TTL: variants seen among roughly 807,000 people sequenced by gnomAD.
TTL encodes the protein tubulin--tyrosine ligase.
TTL carries 10 observed loss-of-function variants against 41.1 expected under a neutral mutation model. That is an observed-to-expected ratio of 0.24 (90% CI 0.15 to 0.41). TTL has a LOEUF of 0.41. TTL is among the 10% of genes least tolerant of loss of function. The probability of loss-of-function intolerance (pLI) is 1.00; values close to 1 mark genes in which losing one functional copy is unlikely to be tolerated. For synonymous variants in TTL, 175 were observed against 175.5 expected (o/e 1.00, Z 0.02); for missense variants, 367 against 460.4 (o/e 0.80, Z 1.86).
intron 2 of TTL, 143 bp from the exon 3 acceptor site, chr2:112,494,000 G>A (rs1681460900): frequency 1.5e-6 from 1 of 650,556 alleles, no homozygotes; most frequent in Admixed American, 2.9e-5. Context: ...TTTGTCCAGG[G>A]AGACTAAGAG....
chr2:112,521,297 C>T (rs1363727406), intron 6 of TTL: 2 of 985,170 alleles, frequency 2.0e-6, no homozygotes, highest in Non-Finnish European at 2.4e-6. Flanking sequence ...CGGGAGAAGG[C>T]TGGTTGTAGC....
intron 5 of TTL, among the ~76,000 whole-genome samples, chr2:112,516,727 C>G (rs945028928): frequency 1.1e-4 from 17 of 152,132 alleles, no homozygotes; most frequent in African/African-American, 4.1e-4. Context: ...GTTCTAGGAT[C>G]TCCATTCTGT....
At chr2:112,502,108 A>G (rs548001458) in intron 4 of TTL, among the ~76,000 whole-genome samples, 5 of 152,248 alleles carry the variant, frequency 3.3e-5, no homozygotes, top group South Asian at 4.1e-4. Flanking sequence ...AGGGCTTGGC[A>G]TGGAGAAAGA....
chr2:112,528,443 T>A (rs745431139), intron 6 of TTL, among the ~76,000 whole-genome samples: 3 of 151,818 alleles, frequency 2.0e-5, no homozygotes, highest in Non-Finnish European at 2.9e-5. Context: ...CTACAAAAAA[T>A]TTAAAAATTA....
At chr2:112,503,770 G>A (rs1681763987) in intron 5 of TTL, among the ~76,000 whole-genome samples, 1 of 128,694 alleles carries the variant, frequency 7.8e-6, no homozygotes, top group African/African-American at 2.9e-5. Context: ...AAAGTACAAT[G>A]TCAGTCTACT....
intron 3 of TTL, among the ~76,000 whole-genome samples, chr2:112,498,858 C>T (rs1278873219): frequency 6.6e-6 from 1 of 151,990 alleles, no homozygotes; most frequent in Non-Finnish European, 1.5e-5. Context: ...AAGACTCCAT[C>T]TCAATCAATA....
At chr2:112,509,941 A>G (rs1370103917) in intron 5 of TTL, among the ~76,000 whole-genome samples, 2 of 151,232 alleles carry the variant, frequency 1.3e-5, no homozygotes, top group Admixed American at 1.3e-4. Flanking sequence ...GCTAATTTAT[A>G]TTTTCCCTCT....
chr2:112,486,162 A>G (rs1019729541), intron 2 of TTL, among the ~76,000 whole-genome samples, 167 bp downstream of exon 2: 4 of 152,234 alleles, frequency 2.6e-5, no homozygotes, highest in African/African-American at 9.6e-5. Flanking sequence ...ATGGTGCTTG[A>G]TAAAGCCTGT....
Position 112,535,074 on chromosome 2 carries a change from GAAGA to G in TTL, c.*6286_*6289del, listed in dbSNP as rs999866110. 6 of 151,584 alleles carry G rather than the reference GAAGA, an allele frequency of 4.0e-5. No homozygotes were observed. Among genetic ancestry groups the G allele is most frequent in the Non-Finnish European group, 5.9e-5 (4 of 67,908 alleles). 9.4% of individuals were successfully genotyped at this position (151,584 alleles called of 1,614,324 possible). On this transcript the variant is annotated 3_prime_UTR_variant, in exon 7 of 7. Coordinates refer to ENST00000233336, the MANE Select transcript of TTL (RefSeq NM_153712.5). Reference sequence around the variant, plus strand: ...AAGATTGAGAAAGAAAAAAGAGAAAGAAGAAAGAAAAGAAAAAAGGAAAGAAAGT... The same window carrying G: ...AAGATTGAGAAAGAAAAAAGAGAAAGAAGAAAAGAAAAAAGGAAAGAAAGT...
Position 112,494,235 on chromosome 2 carries a change from C to T in TTL, c.329C>T (p.Ala110Val), listed in dbSNP as rs752985115. ...CCAACCAATCTCAAGACTCCAGTTG[C>T]TCCAGCACAGAATGGAATTCAGCCA... ...IYPTNLKTPV[A>V]PAQNGIQPPI... The change falls in exon 3 of 7, where the codon GCT (alanine) becomes GTT (valine). Residue 110 changes from alanine (A) to valine (V), a missense_variant. Coordinates refer to ENST00000233336, the MANE Select transcript of TTL (RefSeq NM_153712.5). 37 of 1,614,060 alleles carry T rather than the reference C, an allele frequency of 2.3e-5. No individual in the cohort carries two copies. Among genetic ancestry groups the T allele is most frequent in the Non-Finnish European group, 3.4e-6 (4 of 1,180,048 alleles).
At chr2:112,509,016 T>TCGCCG (rs1681848135) in intron 5 of TTL, among the ~76,000 whole-genome samples, 1 of 70,702 alleles carries the variant, frequency 1.4e-5, no homozygotes. Flanking sequence ...TTTCTGGTTG[T>TCGCCG]TAGTTTTCCT....
chr2:112,515,871 C>G (rs1682055755), intron 5 of TTL, among the ~76,000 whole-genome samples: 1 of 151,994 alleles, frequency 6.6e-6, no homozygotes, highest in Non-Finnish European at 1.5e-5. Context: ...CGCTTGAACC[C>G]CGGAGGTGGA....
At chr2:112,499,962 C>G (rs1681647191) in intron 3 of TTL, among the ~76,000 whole-genome samples, 2 of 152,078 alleles carry the variant, frequency 1.3e-5, no homozygotes, top group Non-Finnish European at 2.9e-5. Context: ...AAGAGGCAGA[C>G]AAGAATGGAA....
At chr2:112,496,534 A>G (rs542202534) in intron 3 of TTL, among the ~76,000 whole-genome samples, 1 of 152,276 alleles carries the variant, frequency 6.6e-6, no homozygotes, top group Non-Finnish European at 1.5e-5. Context: ...CACTACATCT[A>G]TAACAGAAAA....
chr2:112,519,550 G>GTTTTT (rs34836273), intron 5 of TTL, among the ~76,000 whole-genome samples: 1 of 110,508 alleles, frequency 9.0e-6, no homozygotes, highest in Non-Finnish European at 1.8e-5. Context: ...AGGTCAACAT[G>GTTTTT]TTTTTTTTTT....
At position 112,529,556 on chromosome 2, in the gene TTL, A is replaced by G. The variant is rs1361547248; in HGVS notation, c.*761A>G. On this transcript the variant is annotated 3_prime_UTR_variant, in exon 7 of 7. Coordinates refer to ENST00000233336, the MANE Select transcript of TTL (RefSeq NM_153712.5). ...AGGTCTTTGAAAATATGATGATTCA[A>G]TTTTCTCAATTTTCTTTGCTTTAAC... 4 of 228,496 alleles carry G rather than the reference A, an allele frequency of 1.8e-5. No individual in the cohort carries two copies. Among genetic ancestry groups the G allele is most frequent in the South Asian group, 1.8e-4 (1 of 5,468 alleles). 14.2% of individuals were successfully genotyped at this position (228,496 alleles called of 1,614,324 possible). A position where few individuals can be genotyped will look rare whatever the true frequency, so the allele number is the denominator to read the frequency against.
chr2:112,516,966 C>T lies in TTL; in HGVS notation c.876-3316C>T, dbSNP rs377592855. Among the ~76,000 whole-genome samples, 73 of 152,036 alleles carry T rather than the reference C, an allele frequency of 4.8e-4. 3 individuals carry two copies. The South Asian group carries it at 0.014, about 29-fold the overall frequency. ...TATTGGAAGTTTGCGGCATCCTTTC[C>T]GCATTGTTCATTGCTGTTCAGAGTG... is the stretch of plus-strand genomic sequence containing the variant. On this transcript the variant is annotated intron_variant, in intron 5 of 6. Transcript: ENST00000233336.
intron 2 of TTL, among the ~76,000 whole-genome samples, chr2:112,493,695 T>G (rs2104451695): frequency 6.6e-6 from 1 of 152,348 alleles, no homozygotes; most frequent in South Asian, 2.1e-4. Context: ...CTTTAAAAAG[T>G]CTTTAGATAA....
rs1222407802 is a variant in TTL, at chr2:112,529,225, A to G, written c.*430A>G. On this transcript the variant is annotated 3_prime_UTR_variant, in exon 7 of 7. Transcript: ENST00000233336. ...GAGGTTGCCTGTGTGTTCCCCACCC[A>G]TCCCTTCGGTAACACTCTGCCACAC... The G allele has an allele frequency of 3.5e-6, 1 of 283,340 alleles. No homozygotes were observed. Among genetic ancestry groups the G allele is most frequent in the African/African-American group, 2.1e-5 (1 of 47,126 alleles). 17.6% of individuals were successfully genotyped at this position (283,340 alleles called of 1,614,324 possible).
Sources: gnomAD v4.1 joint callset for allele counts (sites outside exome capture counted in the v4.1 genomes callset) on GRCh38, gnomAD v4.1.1 for gene constraint, MANE v1.5 for transcripts, NCBI Gene and HGNC (gene_info 2026-07-23, HGNC 2026-07-21) for gene names.